FAT3: variants seen among roughly 807,000 people sequenced by gnomAD.
FAT3 encodes the protein protocadherin Fat 3.
In FAT3, 95 loss-of-function variants were observed where a neutral mutation model predicts 310.2. The observed-to-expected ratio is 0.31, with a 90% confidence interval of 0.26 to 0.36. The LOEUF is 0.36. Ranked by LOEUF, FAT3 falls within the 10% of genes least tolerant of loss-of-function variation. The pLI is 1.00. For missense variants in FAT3, 5,408 were observed against 5,715.6 expected (o/e 0.95, Z 1.74); for synonymous variants, 2,314 against 2,192.9 (o/e 1.06, Z -1.54).
At chr11:92,302,770 G>A (rs559996801) in intron 1 of FAT3, among the ~76,000 whole-genome samples, 1 of 151,942 alleles carries the variant, frequency 6.6e-6, no homozygotes, top group Admixed American at 6.6e-5. Flanking sequence ...GTATGGTGTT[G>A]ATTAATTTTC....
At chr11:92,754,797 G>A (rs921553179) in intron 4 of FAT3, among the ~76,000 whole-genome samples, 6 of 151,788 alleles carry the variant, frequency 4.0e-5, no homozygotes, top group Middle Eastern at 6.9e-3. Context: ...GAATCTGAGA[G>A]GGGGAGGTTG....
chr11:92,265,695 A>G (rs915943343), intron 1 of FAT3, among the ~76,000 whole-genome samples: 2 of 152,082 alleles, frequency 1.3e-5, no homozygotes, highest in Non-Finnish European at 2.9e-5. Context: ...TTCGTTATCT[A>G]GTGAGAGTCC....
chr11:92,457,167 C>T (rs931118056), intron 2 of FAT3, among the ~76,000 whole-genome samples: 1 of 152,182 alleles, frequency 6.6e-6, no homozygotes, highest in South Asian at 2.1e-4. Context: ...TCTGGAACAC[C>T]AGTCCCCTAA....
chr11:92,423,243 T>C (rs1950566492), intron 2 of FAT3, among the ~76,000 whole-genome samples: 1 of 152,176 alleles, frequency 6.6e-6, no homozygotes, highest in Admixed American at 6.5e-5. Context: ...AGCTGAGTTA[T>C]GACCCTATAC....
At chr11:92,391,776 A>T (rs374419663) in intron 2 of FAT3, among the ~76,000 whole-genome samples, 1 of 152,114 alleles carries the variant, frequency 6.6e-6, no homozygotes, top group Non-Finnish European at 1.5e-5. Flanking sequence ...TTAGAGATTT[A>T]TCTAAATTAG....
intron 4 of FAT3, among the ~76,000 whole-genome samples, chr11:92,748,479 C>T (rs1945737444): frequency 1.3e-5 from 2 of 152,068 alleles, no homozygotes; most frequent in South Asian, 2.1e-4. Context: ...CTTTCTTCTC[C>T]TTCCTTCCTT....
At chr11:92,396,234 G>A (rs1483503622) in intron 2 of FAT3, among the ~76,000 whole-genome samples, 1 of 152,222 alleles carries the variant, frequency 6.6e-6, no homozygotes, top group Non-Finnish European at 1.5e-5. Context: ...AGATGAATAT[G>A]ATCATGAATC....
intron 3 of FAT3, among the ~76,000 whole-genome samples, chr11:92,615,726 C>A (rs11020026): frequency 1.3e-5 from 2 of 151,974 alleles, no homozygotes; most frequent in African/African-American, 4.8e-5. Context: ...GCCTTCATTT[C>A]ATTATGTACC....
At chr11:92,460,173 C>T (rs541295679) in intron 2 of FAT3, among the ~76,000 whole-genome samples, 1 of 152,238 alleles carries the variant, frequency 6.6e-6, no homozygotes, top group South Asian at 2.1e-4. Context: ...GATTTCATAC[C>T]TCTTTCAGAG....
intron 2 of FAT3, among the ~76,000 whole-genome samples, chr11:92,375,528 A>T (rs1237742595): frequency 3.3e-5 from 5 of 151,864 alleles, no homozygotes; most frequent in South Asian, 2.1e-4. Flanking sequence ...GATGAGACTT[A>T]TTTTCCCTTA....
intron 13 of FAT3, among the ~76,000 whole-genome samples, chr11:92,828,841 G>T (rs1489680813): frequency 6.6e-6 from 1 of 152,142 alleles, no homozygotes; most frequent in Non-Finnish European, 1.5e-5. Flanking sequence ...CCAGATGAGT[G>T]CCTCTAAACA....
chr11:92,526,122 A>C (rs1953851962), intron 3 of FAT3, among the ~76,000 whole-genome samples: 1 of 152,180 alleles, frequency 6.6e-6, no homozygotes, highest in Admixed American at 6.5e-5. Flanking sequence ...GTACTTGCAG[A>C]AGAGGGCTCA....
At chr11:92,616,964 C>T (rs1293229550) in intron 3 of FAT3, among the ~76,000 whole-genome samples, 2 of 152,046 alleles carry the variant, frequency 1.3e-5, no homozygotes, top group Non-Finnish European at 2.9e-5. Context: ...CTTGGGGTTG[C>T]TCTTCTTGAG....
rs1291471243 is a variant in FAT3, at chr11:92,224,987, C to G, written c.-205C>G. Among the ~76,000 whole-genome samples, 1 of 152,112 alleles carries G rather than the reference C, an allele frequency of 6.6e-6. No individual in the cohort carries two copies. The highest frequency in any genetic ancestry group is 1.9e-4 in the East Asian group (1 of 5,160). The stretch of plus-strand genomic sequence containing the variant: ...TCCTCCGCTTGCGAACCCCCGGCGG[C>G]GGCGGCGGCGGCGTCCCGAGCGCAG... On this transcript the variant is annotated 5_prime_UTR_variant, in exon 1 of 28. Coordinates refer to ENST00000525166, the MANE Select transcript of FAT3 (RefSeq NM_001367949.2).
At chr11:92,699,300 C>T (rs920906256) in intron 4 of FAT3, among the ~76,000 whole-genome samples, 35 of 152,066 alleles carry the variant, frequency 2.3e-4, no homozygotes, top group African/African-American at 8.2e-4. Context: ...ATTAGGGTGA[C>T]TAGAGTTTAT....
chr11:92,383,407 T>G (rs561782271), intron 2 of FAT3, among the ~76,000 whole-genome samples: 1 of 152,346 alleles, frequency 6.6e-6, no homozygotes, highest in East Asian at 1.9e-4. Flanking sequence ...CTAATGTAGG[T>G]GATGTGCAGA....
intron 3 of FAT3, among the ~76,000 whole-genome samples, chr11:92,536,804 C>T (rs181822757): frequency 6.6e-6 from 1 of 152,232 alleles, no homozygotes; most frequent in East Asian, 1.9e-4. Context: ...TGTGATGGGG[C>T]TAAACAAAGG....
At chr11:92,772,271 CA>C (rs1257322242) in intron 6 of FAT3, among the ~76,000 whole-genome samples, 1 of 152,192 alleles carries the variant, frequency 6.6e-6, no homozygotes, top group African/African-American at 2.4e-5. Flanking sequence ...TCCTTCCATA[CA>C]GGACTTATGA....
intron 3 of FAT3, among the ~76,000 whole-genome samples, chr11:92,592,627 T>C (rs967544725): frequency 6.6e-6 from 1 of 152,088 alleles, no homozygotes; most frequent in African/African-American, 2.4e-5. Flanking sequence ...GCCCTAATTG[T>C]CTTTTTAGGA....
Sources: gnomAD v4.1 joint callset for allele counts (sites outside exome capture counted in the v4.1 genomes callset) on GRCh38, gnomAD v4.1.1 for gene constraint, MANE v1.5 for transcripts, NCBI Gene and HGNC (gene_info 2026-07-23, HGNC 2026-07-21) for gene names.